The following TNR variants were observed in gnomAD, a reference collection of about 807,000 sequenced individuals.
TNR encodes the protein tenascin-R.
In TNR, 45 loss-of-function variants were observed where a neutral mutation model predicts 150.4. The ratio of observed to expected loss-of-function variants is 0.30; its 90% confidence interval spans 0.24 to 0.38. The LOEUF (loss-of-function observed/expected upper bound fraction) is 0.38, where lower values mean the gene tolerates loss of function less well. TNR is among the 10% of genes least tolerant of loss of function. The probability of loss-of-function intolerance (pLI) is 1.00; values close to 1 mark genes in which losing one functional copy is unlikely to be tolerated. For synonymous variants in TNR, 687 were observed against 678.4 expected (o/e 1.01, Z -0.20); for missense variants, 1,544 against 1,759.1 (o/e 0.88, Z 2.19).
At chr1:175,464,226 T>A (rs1030916368) in intron 2 of TNR, among the ~76,000 whole-genome samples, 4 of 152,202 alleles carry the variant, frequency 2.6e-5, no homozygotes, top group Non-Finnish European at 5.9e-5. Flanking sequence ...ACTCAGCACT[T>A]CTGAATGAGG....
intron 1 of TNR, among the ~76,000 whole-genome samples, chr1:175,673,356 A>G (rs1019717096): frequency 6.6e-6 from 1 of 152,236 alleles, no homozygotes; most frequent in African/African-American, 2.4e-5. Flanking sequence ...GAGGCAATTA[A>G]ACAGACAGGG....
At chr1:175,698,428 G>A (rs1233528754) in intron 1 of TNR, among the ~76,000 whole-genome samples, 1 of 152,168 alleles carries the variant, frequency 6.6e-6, no homozygotes, top group Non-Finnish European at 1.5e-5. Context: ...GAGTGCAAAG[G>A]TGCTGACATC....
intron 1 of TNR, among the ~76,000 whole-genome samples, chr1:175,600,412 G>A (rs1663189018): frequency 6.6e-6 from 1 of 152,196 alleles, no homozygotes; most frequent in African/African-American, 2.4e-5. Context: ...ACATAGTTTT[G>A]TATGTTACTC....
chr1:175,346,766 C>T (rs74126984), intron 18 of TNR, among the ~76,000 whole-genome samples: 2,648 of 151,644 alleles, frequency 0.017, 86 homozygotes, highest in African/African-American at 0.061. Context: ...AAAACTTAGA[C>T]GTGGTAGTCA....
At chr1:175,517,304 G>GTTCTTTTC (rs1431519156) in intron 2 of TNR, among the ~76,000 whole-genome samples, 6 of 152,284 alleles carry the variant, frequency 3.9e-5, no homozygotes, top group African/African-American at 1.4e-4. Flanking sequence ...TATTCTAGGA[G>GTTCTTTTC]TTCTTTTCTG....
intron 1 of TNR, among the ~76,000 whole-genome samples, chr1:175,732,610 T>A (rs1261044385): frequency 6.6e-6 from 1 of 152,236 alleles, no homozygotes; most frequent in Non-Finnish European, 1.5e-5. Flanking sequence ...TTATAAGGAC[T>A]GTCATTCTCC....
intron 2 of TNR, among the ~76,000 whole-genome samples, chr1:175,435,437 G>C (rs1208744065): frequency 6.6e-6 from 1 of 152,188 alleles, no homozygotes; most frequent in Non-Finnish European, 1.5e-5. Context: ...CGGAGGATCA[G>C]GTTTAGAACA....
chr1:175,709,025 G>T (rs960825815), intron 1 of TNR, among the ~76,000 whole-genome samples: 1 of 151,162 alleles, frequency 6.6e-6, no homozygotes, highest in African/African-American at 2.5e-5. Flanking sequence ...ACAGCTCCAT[G>T]ATATTGGTGT....
rs1217398757 is a variant in TNR, at chr1:175,642,897, C to G, written c.-165+100329G>C. 2.0e-5 allele frequency among the ~76,000 whole-genome samples: 3 copies of G among 152,206 alleles called. No homozygotes were observed. In the East Asian group the frequency reaches 5.8e-4, roughly 29 times the overall value. The stretch of plus-strand genomic sequence containing the variant: ...AGTGAGCTATGATTGCACTATTGCA[C>G]TCCAGCCTGGGTGACAGAGCAACAT... On this transcript the variant is annotated intron_variant, in intron 1 of 22. Coordinates refer to ENST00000367674, the MANE Select transcript of TNR (RefSeq NM_003285.3).
At chr1:175,544,046 G>A (rs1660597408) in intron 1 of TNR, among the ~76,000 whole-genome samples, 2 of 152,184 alleles carry the variant, frequency 1.3e-5, no homozygotes, top group African/African-American at 4.8e-5. Context: ...GACAGCAGCA[G>A]GAATGGGTGT....
Position 175,465,443 on chromosome 1 carries a change from A to G in TNR, c.-63-58666T>C, listed in dbSNP as rs190551537. 1.1e-3 allele frequency among the ~76,000 whole-genome samples: 170 copies of G among 152,332 alleles called. 1 individual carries two copies. Among genetic ancestry groups the G allele is most frequent in the African/African-American group, 3.9e-3 (164 of 41,576 alleles). ...CTTAAGTAGATTTTCAAGCATATTG[A>G]TCATAAAGCAGCTAAGTGTCCTTAT... On this transcript the variant is annotated intron_variant, in intron 2 of 22. Coordinates refer to ENST00000367674, the MANE Select transcript of TNR (RefSeq NM_003285.3).
intron 1 of TNR, among the ~76,000 whole-genome samples, chr1:175,638,493 G>A (rs987267914): frequency 7.9e-5 from 12 of 152,182 alleles, no homozygotes; most frequent in Admixed American, 3.3e-4. Flanking sequence ...GCTTCAGGCC[G>A]GGTCTCAGCA....
chr1:175,383,469 G>A (rs918611479), intron 8 of TNR, among the ~76,000 whole-genome samples: 24 of 152,204 alleles, frequency 1.6e-4, no homozygotes, highest in African/African-American at 5.8e-4. Context: ...TGAAACCAGA[G>A]CTGCTGAGGG....
intron 1 of TNR, among the ~76,000 whole-genome samples, chr1:175,658,512 T>C (rs958446334): frequency 5.3e-5 from 8 of 152,110 alleles, no homozygotes; most frequent in Admixed American, 1.3e-4. Context: ...AGCTGCTAAA[T>C]CATGGGCTGC....
chr1:175,577,449 AACAG>A (rs2102225311), intron 1 of TNR, among the ~76,000 whole-genome samples: 1 of 152,264 alleles, frequency 6.6e-6, no homozygotes, highest in Non-Finnish European at 1.5e-5. Flanking sequence ...CCTAACACAC[AACAG>A]ACAATCAATT....
intron 1 of TNR, among the ~76,000 whole-genome samples, chr1:175,575,985 C>T (rs1662094421): frequency 6.6e-6 from 1 of 152,198 alleles, no homozygotes; most frequent in African/African-American, 2.4e-5. Context: ...TTCGAGACAT[C>T]CTCATTTGGG....
chr1:175,509,867 C>T (rs859378), intron 2 of TNR, among the ~76,000 whole-genome samples: 2,342 of 152,150 alleles, frequency 0.015, 67 homozygotes, highest in African/African-American at 0.053. Context: ...CTAACATTTT[C>T]CAAATGGTGG....
At chr1:175,391,506 G>A (rs1653170695) in intron 6 of TNR, 68 bp from the exon 7 acceptor site, 3 of 1,529,286 alleles carry the variant, frequency 2.0e-6, no homozygotes, top group Non-Finnish European at 1.8e-6. Context: ...ATGAGAGAAA[G>A]ATAAAGGTGT....
chr1:175,645,371 C>T (rs1664781523), intron 1 of TNR, among the ~76,000 whole-genome samples: 4 of 152,128 alleles, frequency 2.6e-5, no homozygotes, highest in African/African-American at 7.2e-5. Context: ...TTAAGATTCC[C>T]GGCAGCCATG....
Sources: gnomAD v4.1 joint callset for allele counts (sites outside exome capture counted in the v4.1 genomes callset) on GRCh38, gnomAD v4.1.1 for gene constraint, MANE v1.5 for transcripts, NCBI Gene and HGNC (gene_info 2026-07-23, HGNC 2026-07-21) for gene names.